Variants in PNPLA3 observed in about 807,000 individuals in gnomAD.
PNPLA3 encodes the protein 1-acylglycerol-3-phosphate O-acyltransferase PNPLA3.
PNPLA3 carries 42 observed loss-of-function variants against 43.1 expected under a neutral mutation model. The observed-to-expected ratio is 0.97, with a 90% CI of 0.76 to 1.26. PNPLA3 has a LOEUF of 1.26. PNPLA3 is among the 50% of genes most tolerant of loss of function. The pLI is 0.00. For synonymous variants in PNPLA3, 272 were observed against 253.6 expected, an observed-to-expected ratio of 1.07 and a Z score of -0.69; for missense variants, 647 against 621.4, an observed-to-expected ratio of 1.04 and a Z score of -0.44.
In PNPLA3 at chr22:43,927,301, C is replaced by T. The variant is rs537097411; in HGVS notation, c.420+134C>T. The T allele has an allele frequency of 7.1e-6, 5 of 703,472 alleles. No individual in the cohort carries two copies. In the African/African-American group the frequency reaches 8.8e-5, roughly 12 times the overall value. 43.6% of individuals were successfully genotyped at this position (703,472 alleles called of 1,614,324 possible). On this transcript the variant is annotated intron_variant, in intron 2 of 8. Coordinates refer to ENST00000216180, the MANE Select transcript of PNPLA3 (RefSeq NM_025225.3). ...GTTGCTTGAGCCCAGGAGCTCGAGA[C>T]CAACATGATGAAACCCAGTCTCTAC... is the stretch of plus-strand genomic sequence containing the variant.
At chr22:43,944,013 C>T (rs916472205) in intron 7 of PNPLA3, among the ~76,000 whole-genome samples, 11 of 152,064 alleles carry the variant, frequency 7.2e-5, no homozygotes, top group African/African-American at 2.7e-4. Context: ...GTCTCAAACT[C>T]CTGACCTCCT....
At position 43,944,751 on chromosome 22, in the gene PNPLA3, A is replaced by C; in HGVS notation, c.1173A>C (p.Ser391=). ...DDVLWLQWVT[S]QVFTRVLMCL... is the part of the protein sequence containing the mutation. ...TCCTGTGGTTGCAGTGGGTGACCTCACAGGTGTTCACTCGAGTGCTGATGT... is the reference window on the plus strand; with the variant it reads ...TCCTGTGGTTGCAGTGGGTGACCTCCCAGGTGTTCACTCGAGTGCTGATGT... The change falls in exon 8 of 9, where the codon TCA becomes TCC. Residue 391 remains serine, a synonymous_variant. Coordinates refer to ENST00000216180, the MANE Select transcript of PNPLA3 (RefSeq NM_025225.3). 2 of 1,614,168 alleles carry C rather than the reference A, an allele frequency of 1.2e-6. No homozygotes were observed. Among genetic ancestry groups the C allele is most frequent in the Non-Finnish European group, 1.7e-6 (2 of 1,180,024 alleles).
intron 7 of PNPLA3, among the ~76,000 whole-genome samples, chr22:43,942,594 A>G (rs886425003): frequency 3.9e-5 from 6 of 152,022 alleles, no homozygotes; most frequent in Non-Finnish European, 7.4e-5. Flanking sequence ...ATTGAGCTGG[A>G]CAAGTACTGG....
At chr22:43,939,835 GCAGCTTGGCAAACCC>G (rs1569014969) in intron 6 of PNPLA3, among the ~76,000 whole-genome samples, 143 bp from the exon 7 acceptor site, 1 of 152,080 alleles carries the variant, frequency 6.6e-6, no homozygotes, top group African/African-American at 2.4e-5. Flanking sequence ...AAAGAAAGGA[GCAGCTTGGCAAACCC>G]CACCTTGTCG....
Position 43,946,638 on chromosome 22 carries a change from G to T in PNPLA3, c.*256G>T, listed in dbSNP as rs915272140. 2.0e-5 allele frequency: 14 copies of T among 693,090 alleles called. No individual in the cohort carries two copies. The African/African-American group carries it at 2.3e-4, about 11-fold the overall frequency. 42.9% of individuals were successfully genotyped at this position (693,090 alleles called of 1,614,324 possible). On this transcript the variant is annotated 3_prime_UTR_variant, in exon 9 of 9. Coordinates refer to ENST00000216180, the MANE Select transcript of PNPLA3 (RefSeq NM_025225.3). ...TGACACCAGGAAGCCCAGTGCAGAG[G>T]GTCCCTTACTGACTGTTTCGTGGCC...
At chr22:43,932,225 T>C (rs1347510432) in intron 3 of PNPLA3, among the ~76,000 whole-genome samples, 42 of 152,144 alleles carry the variant, frequency 2.8e-4, no homozygotes, top group Admixed American at 2.7e-3. Context: ...AGGATATAGA[T>C]GAAGGAAAAC....
At chr22:43,946,055 G>A (rs1309602579) in intron 8 of PNPLA3, 99 bp from the exon 9 acceptor site, 1 of 1,081,266 alleles carries the variant, frequency 9.2e-7, no homozygotes, top group Non-Finnish European at 1.4e-6. Context: ...AGTGTGTGTG[G>A]TGCCCTCTAC....
chr22:43,937,026 G>A (rs760732647), intron 5 of PNPLA3, 25 bp from the exon 6 acceptor site: 2 of 1,599,128 alleles, frequency 1.3e-6, no homozygotes, highest in African/African-American at 1.3e-5. Flanking sequence ...TCGCCTGATG[G>A]GCTTGTTTTC....
At chr22:43,926,187 C>T (rs960588700) in intron 1 of PNPLA3, among the ~76,000 whole-genome samples, 10 of 152,340 alleles carry the variant, frequency 6.6e-5, no homozygotes, top group East Asian at 5.8e-4. Context: ...CTGCCAGCCA[C>T]GTGCAATTCC....
At chr22:43,943,558 A>AAT (rs1275111759) in intron 7 of PNPLA3, among the ~76,000 whole-genome samples, 1 of 152,008 alleles carries the variant, frequency 6.6e-6, no homozygotes, top group Non-Finnish European at 1.5e-5. Flanking sequence ...AATCTGTTGA[A>AAT]ATATATATCT....
In PNPLA3 at chr22:43,946,456, G is replaced by T; in HGVS notation, c.*74G>T. 10 of 1,380,026 alleles carry T rather than the reference G, an allele frequency of 7.2e-6. No individual in the cohort carries two copies. The highest frequency in any genetic ancestry group is 1.7e-5 in the Admixed American group (1 of 58,182). The allele number at this position is 1,380,026 out of a possible 1,614,324, so 85.5% of individuals were successfully genotyped here. A position where few individuals can be genotyped will look rare whatever the true frequency, so the allele number is the denominator to read the frequency against. Reference sequence around the variant, plus strand: ...TTCCCATCTTTGTGCAGCTACCTCCGCATTGCTGTGTAGTGACCCCTGCCT... The same window carrying T: ...TTCCCATCTTTGTGCAGCTACCTCCTCATTGCTGTGTAGTGACCCCTGCCT... On this transcript the variant is annotated 3_prime_UTR_variant, in exon 9 of 9. Coordinates refer to ENST00000216180, the MANE Select transcript of PNPLA3 (RefSeq NM_025225.3).
At chr22:43,931,597 C>A (rs2049961963) in intron 3 of PNPLA3, among the ~76,000 whole-genome samples, 1 of 152,176 alleles carries the variant, frequency 6.6e-6, no homozygotes, top group Non-Finnish European at 1.5e-5. Context: ...CTCACTGCAA[C>A]CCTCGGCTCC....
chr22:43,941,333 A>ATTGGGCTTCCTCTG (rs78058089), intron 7 of PNPLA3, among the ~76,000 whole-genome samples: 5 of 146,596 alleles, frequency 3.4e-5, no homozygotes, highest in Admixed American at 6.8e-5. Flanking sequence ...GCTTCCTCTG[A>ATTGGGCTTCCTCTG]AAGTGGGGGG....
chr22:43,933,138 C>T (rs1414526064), intron 4 of PNPLA3, 51 bp downstream of exon 4: 1 of 1,524,224 alleles, frequency 6.6e-7, no homozygotes, highest in South Asian at 1.1e-5. Flanking sequence ...TCTTCTTTGC[C>T]TCCCTGATTG....
At chr22:43,931,780 T>C (rs976813014) in intron 3 of PNPLA3, among the ~76,000 whole-genome samples, 3 of 152,216 alleles carry the variant, frequency 2.0e-5, no homozygotes, top group Admixed American at 1.3e-4. Flanking sequence ...CCTTCCAAAG[T>C]GCTGGGATTA....
At chr22:43,933,767 A>G (rs961846646) in intron 4 of PNPLA3, among the ~76,000 whole-genome samples, 3 of 151,890 alleles carry the variant, frequency 2.0e-5, no homozygotes, top group Admixed American at 2.0e-4. Context: ...ATGCCTTACC[A>G]CTCTACCATA....
In PNPLA3 at chr22:43,941,790, T is replaced by TA. The variant is rs77330022; in HGVS notation, c.1112+1678dup. Among the ~76,000 whole-genome samples, 667 of 144,430 alleles carry TA rather than the reference T, an allele frequency of 4.6e-3. 4 individuals carry two copies. Among genetic ancestry groups the TA allele is most frequent in the African/African-American group, 0.014 (547 of 39,526 alleles). 94.8% of individuals were successfully genotyped at this position (144,430 alleles called of 152,430 possible). On this transcript the variant is annotated intron_variant, in intron 7 of 8. Transcript: ENST00000216180. ...TGTCTGACAGTGGAGGGCACTTGATTAAAAAAAAAAAAATTACCCTGGTCT... is the reference window on the plus strand; with the variant it reads ...TGTCTGACAGTGGAGGGCACTTGATTAAAAAAAAAAAAAATTACCCTGGTCT...
At chr22:43,929,279 C>G (rs1013875362) in intron 3 of PNPLA3, among the ~76,000 whole-genome samples, 8 of 151,910 alleles carry the variant, frequency 5.3e-5, no homozygotes, top group African/African-American at 1.9e-4. Flanking sequence ...AGTTCGAGAC[C>G]AGCCTGGCCA....
chr22:43,940,684 C>T (rs1346916417), intron 7 of PNPLA3, among the ~76,000 whole-genome samples: 1 of 151,892 alleles, frequency 6.6e-6, no homozygotes, highest in Non-Finnish European at 1.5e-5. Context: ...TGGCACGTGC[C>T]TGTACTCCCA....
Sources: allele counts gnomAD v4.1 joint callset (sites outside exome capture counted in the v4.1 genomes callset), GRCh38; gene constraint gnomAD v4.1.1; transcripts MANE v1.5; gene names NCBI Gene and HGNC (gene_info 2026-07-23, HGNC 2026-07-21).